MAP1B: variants seen among roughly 807,000 people sequenced by gnomAD.
MAP1B encodes the protein microtubule-associated protein 1B.
A neutral mutation model predicts 176.1 loss-of-function variants in MAP1B; 12 were observed. The observed-to-expected ratio is 0.07, with a 90% CI of 0.04 to 0.11. MAP1B has a LOEUF of 0.11. Ranked by LOEUF, MAP1B falls within the 10% of genes least tolerant of loss-of-function variation. MAP1B has a pLI of 1.00. For missense variants in MAP1B, 2,523 were observed against 2,990.5 expected (o/e 0.84, Z 3.65); for synonymous variants, 1,044 against 1,135.0 (o/e 0.92, Z 1.61).
intron 4 of MAP1B, 129 bp from the exon 5 acceptor site, chr5:72,193,737 G>T: frequency 1.0e-6 from 1 of 984,982 alleles, no homozygotes; most frequent in Non-Finnish European, 1.5e-6. Context: ...CACTATGAGA[G>T]TGCATGTCTG....
At position 72,206,781 on chromosome 5, in the gene MAP1B, A is replaced by G. The variant is rs1431909539; in HGVS notation, c.*1542A>G. The G allele has an allele frequency of 6.6e-6, 1 of 152,172 alleles. No individual in the cohort carries two copies. Among genetic ancestry groups the G allele is most frequent in the East Asian group, 1.9e-4 (1 of 5,194 alleles). 9.4% of individuals were successfully genotyped at this position (152,172 alleles called of 1,614,324 possible). A position where few individuals can be genotyped will look rare whatever the true frequency, so the allele number is the denominator to read the frequency against. On this transcript the variant is annotated 3_prime_UTR_variant, in exon 7 of 7. Coordinates refer to ENST00000296755, the MANE Select transcript of MAP1B (RefSeq NM_005909.5). ...CAAGATTGAAGTCTGATATTGCAGT[A>G]ATGATATTTATTAAAAACCCATAAC...
At chr5:72,111,860 T>C (rs1745349296) in intron 1 of MAP1B, among the ~76,000 whole-genome samples, 2 of 152,214 alleles carry the variant, frequency 1.3e-5, no homozygotes, top group African/African-American at 2.4e-5. Flanking sequence ...CAGACCTAAA[T>C]TATTTATTAT....
intron 2 of MAP1B, among the ~76,000 whole-genome samples, chr5:72,147,249 G>A (rs533330466): frequency 2.0e-5 from 3 of 152,116 alleles, no homozygotes; most frequent in African/African-American, 4.8e-5. Flanking sequence ...GATTACAGGC[G>A]TGAGCCACTG....
Position 72,207,680 on chromosome 5 carries a change from C to G in MAP1B, c.*2441C>G, listed in dbSNP as rs10036291. 111,821 of 151,990 alleles carry G rather than the reference C, an allele frequency of 0.74. 41,837 individuals carry two copies. Among genetic ancestry groups the G allele is most frequent in the African/African-American group, 0.87 (36,285 of 41,494 alleles). The allele number at this position is 151,990 out of a possible 1,614,324, so 9.4% of individuals were successfully genotyped here. A position where few individuals can be genotyped will look rare whatever the true frequency, so the allele number is the denominator to read the frequency against. On this transcript the variant is annotated 3_prime_UTR_variant, in exon 7 of 7. Coordinates refer to ENST00000296755, the MANE Select transcript of MAP1B (RefSeq NM_005909.5). ...CATCTACTTCAAATTTATTTTATAA[C>G]ACAACCTAAGATACTCAAGATAATT...
chr5:72,166,393 C>T (rs749187105), intron 2 of MAP1B, among the ~76,000 whole-genome samples: 15 of 152,050 alleles, frequency 9.9e-5, no homozygotes, highest in Non-Finnish European at 2.1e-4. Flanking sequence ...TCCAGGATCC[C>T]GGTACACGAT....
chr5:72,182,115 C>T (rs1026136838), intron 2 of MAP1B, among the ~76,000 whole-genome samples: 1 of 150,428 alleles, frequency 6.6e-6, no homozygotes, highest in Non-Finnish European at 1.5e-5. Context: ...CCTCCTGCCT[C>T]AGCCTCCCAA....
intron 2 of MAP1B, among the ~76,000 whole-genome samples, chr5:72,141,028 C>T (rs193207276): frequency 2.0e-5 from 3 of 152,198 alleles, no homozygotes; most frequent in Admixed American, 6.5e-5. Flanking sequence ...CAGCCTCCCA[C>T]GTTCACACGA....
At chr5:72,174,809 G>T (rs964377936) in intron 2 of MAP1B, among the ~76,000 whole-genome samples, 2 of 152,320 alleles carry the variant, frequency 1.3e-5, no homozygotes, top group East Asian at 3.9e-4. Context: ...AGTGGACACA[G>T]AAGAAAGTGC....
At chr5:72,108,226 A>T (rs1221813218) in intron 1 of MAP1B, among the ~76,000 whole-genome samples, 2 of 151,152 alleles carry the variant, frequency 1.3e-5, no homozygotes, top group Non-Finnish European at 3.0e-5. Flanking sequence ...CTGATTTCAA[A>T]CCTCCCGATC....
chr5:72,205,157 A>T lies in MAP1B; in HGVS notation c.7325A>T (p.Asp2442Val). The T allele has an allele frequency of 1.2e-6, 2 of 1,613,832 alleles. No individual in the cohort carries two copies. The highest frequency in any genetic ancestry group is 1.7e-6 in the Non-Finnish European group (2 of 1,179,816). Residue 2442 changes from aspartate (D) to valine (V), a missense_variant, in exon 7 of 7, where the codon GAT becomes GTT. Asp to Val is a radical substitution (Grantham distance 152, BLOSUM62 -3). Coordinates refer to ENST00000296755, the MANE Select transcript of MAP1B (RefSeq NM_005909.5). ...CAGGAGACCCATGAGAAACAGCAAG[A>T]TCTCAACATCATGGTTTTAGCAAGC... ...WYQETHEKQQDLNIMVLASSS... is the reference protein window; with the variant it reads ...WYQETHEKQQVLNIMVLASSS...
At chr5:72,166,466 C>G (rs1424658888) in intron 2 of MAP1B, among the ~76,000 whole-genome samples, 2 of 152,158 alleles carry the variant, frequency 1.3e-5, no homozygotes, top group Non-Finnish European at 2.9e-5. Flanking sequence ...TAGTCTAGTT[C>G]TCACTGAACT....
chr5:72,140,967 C>T (rs1225996919), intron 2 of MAP1B, among the ~76,000 whole-genome samples: 1 of 152,134 alleles, frequency 6.6e-6, no homozygotes, highest in Non-Finnish European at 1.5e-5. Flanking sequence ...GGGGGTGCAC[C>T]ATTCTCCTCT....
rs1366451496 is a variant in MAP1B at position 72,199,345 on chromosome 5, G to A, written c.5990G>A (p.Gly1997Asp). The A allele has an allele frequency of 1.9e-6, 3 of 1,614,102 alleles. No individual in the cohort carries two copies. The highest frequency in any genetic ancestry group is 1.7e-5 in the Admixed American group (1 of 60,014). Residue 1997 changes from glycine to aspartate, a missense_variant, in exon 5 of 7, where the codon GGT becomes GAT. By Grantham distance (94) the Gly-to-Asp change is moderately conservative. Coordinates refer to ENST00000296755, the MANE Select transcript of MAP1B (RefSeq NM_005909.5). The surrounding 1 kb of genome is among the most constrained non-coding windows in gnomAD (Gnocchi z 4.2). Reference protein sequence around the residue: ...ISNGYDDSEDGGHTLGDPSYS... With the variant: ...ISNGYDDSEDDGHTLGDPSYS... ...AATGGCTATGATGACTCTGAGGATG[G>A]TGGCCACACACTTGGGGACCCCAGC...
chr5:72,139,175 G>A (rs888423490), intron 2 of MAP1B, among the ~76,000 whole-genome samples: 4 of 152,106 alleles, frequency 2.6e-5, no homozygotes, highest in Admixed American at 6.6e-5. Flanking sequence ...GAAAAGCCAC[G>A]GATGTCAGTC....
rs1747193317 is a variant in MAP1B at position 72,197,132 on chromosome 5, G to C, written c.3777G>C (p.Leu1259=). 1.2e-6 allele frequency: 2 copies of C among 1,614,200 alleles called. No individual in the cohort carries two copies. The highest frequency in any genetic ancestry group is 2.2e-5 in the East Asian group (1 of 44,878). The part of the protein sequence containing the change: ...EKVSPSKSPS[L]SPSPPSPLEK... ...TCAGCCCATCGAAGAGCCCGTCCCT[G>C]AGTCCATCTCCACCATCACCCTTAG... The change falls in exon 5 of 7, where the codon CTG becomes CTC. Residue 1259 remains leucine (L), a synonymous_variant. Transcript: ENST00000296755.
At chr5:72,151,362 G>C (rs996544709) in intron 2 of MAP1B, among the ~76,000 whole-genome samples, 5 of 152,006 alleles carry the variant, frequency 3.3e-5, no homozygotes, top group African/African-American at 1.2e-4. Flanking sequence ...CCTCACATTG[G>C]GGATCAAATT....
chr5:72,195,819 G>A lies in MAP1B; in HGVS notation c.2464G>A (p.Glu822Lys). Residue 822 changes from glutamate to lysine, a missense_variant, in exon 5 of 7, where the codon GAA becomes AAA. By Grantham distance (56) the Glu-to-Lys change is moderately conservative. Around this residue, in one of 4 missense-constraint regions of MAP1B, gnomAD observed 1,925 missense variants for 2,126.0 expected, o/e 0.91. Coordinates refer to ENST00000296755, the MANE Select transcript of MAP1B (RefSeq NM_005909.5). ...AATAGCAGCCATTGGCCCTGCCAAA[G>A]AACTCGAAGCTGAGAGGTCCCTTAT... ...AGIAAIGPAKELEAERSLMSS... is the reference protein window; with the variant it reads ...AGIAAIGPAKKLEAERSLMSS... The A allele has an allele frequency of 6.2e-7, 1 of 1,614,252 alleles. No individual in the cohort carries two copies. Among genetic ancestry groups the A allele is most frequent in the Non-Finnish European group, 8.5e-7 (1 of 1,180,050 alleles).
At position 72,198,676 on chromosome 5, in the gene MAP1B, A is replaced by T. The variant is rs924655622; in HGVS notation, c.5321A>T (p.Glu1774Val). ...ACCTCTGAAAAAGTGCAAAGTCTGG[A>T]AGGAGAGAAGCTCTCTCCAAAATCT... is the stretch of plus-strand genomic sequence containing the variant. ...SLTSEKVQSL[E>V]GEKLSPKSDI... Residue 1774 changes from glutamate to valine, a missense_variant, in exon 5 of 7, where the codon GAA becomes GTA. Physicochemically the swap from Glu to Val is moderately radical, Grantham distance 121. Transcript: ENST00000296755. 1.9e-6 allele frequency: 3 copies of T among 1,614,046 alleles called. No homozygotes were observed. The highest frequency in any genetic ancestry group is 2.5e-6 in the Non-Finnish European group (3 of 1,180,012).
intron 4 of MAP1B, among the ~76,000 whole-genome samples, chr5:72,189,322 G>C (rs1402845623): frequency 6.6e-6 from 1 of 152,040 alleles, no homozygotes; most frequent in African/African-American, 2.4e-5. Context: ...TCATCTCCTG[G>C]GGACATTTTT....
Sources: gnomAD v4.1 joint callset for allele counts (sites outside exome capture counted in the v4.1 genomes callset) on GRCh38, gnomAD v4.1.1 for gene constraint, gnomAD v4.1.1 regional missense constraint, Gnocchi (gnomAD v3.1) non-coding constraint, MANE v1.5 for transcripts, NCBI Gene and HGNC (gene_info 2026-07-23, HGNC 2026-07-21) for gene names.